Variants in LARP1 observed in about 807,000 individuals in gnomAD.
LARP1 encodes the protein la-related protein 1.
In LARP1, 36 loss-of-function variants were observed where a neutral mutation model predicts 122.7. That is an observed-to-expected ratio of 0.29 (90% CI 0.22 to 0.39). LARP1 has a LOEUF of 0.39. LARP1 is among the 10% of genes least tolerant of loss of function. LARP1 has a pLI of 1.00. For synonymous variants in LARP1, 539 were observed against 528.7 expected, an observed-to-expected ratio of 1.02 and a Z score of -0.27; for missense variants, 1,040 against 1,403.6, an observed-to-expected ratio of 0.74 and a Z score of 4.14.
chr5:154,756,366 A>C, intron 1 of LARP1, 173 bp downstream of exon 1: 1 of 974,000 alleles, frequency 1.0e-6, no homozygotes, highest in Non-Finnish European at 1.2e-6. Context: ...CCCACCGTAC[A>C]CTCAGGGACC....
intron 1 of LARP1, among the ~76,000 whole-genome samples, chr5:154,717,826 G>C (rs1755603173): frequency 6.6e-6 from 1 of 152,126 alleles, no homozygotes; most frequent in African/African-American, 2.4e-5. Context: ...CTACATGAGA[G>C]AAAATGTGTA....
At position 154,800,035 on chromosome 5, in the gene LARP1, G is replaced by A. The variant is rs556724523; in HGVS notation, c.1709G>A (p.Arg570Gln). The change falls in exon 10 of 19, where the codon CGG becomes CAG. Residue 570 changes from arginine to glutamine, a missense_variant. Arg to Gln is a conservative substitution (Grantham distance 43). This residue lies in a region of LARP1 where 362 missense variants were observed against 533.1 expected (regional missense o/e 0.68). Transcript: ENST00000518297. ...VKKRPRPSPA[R>Q]PKKSEESRFS... ...AAGAGGCCTCGGCCATCCCCAGCAC[G>A]GCCCAAGGTGGGTGAGGCCTTGTCC... 26 of 1,613,284 alleles carry A rather than the reference G, an allele frequency of 1.6e-5. No individual in the cohort carries two copies. The highest frequency in any genetic ancestry group is 4.5e-5 in the East Asian group (2 of 44,880).
chr5:154,742,905 T>C (rs1301745800), intron 1 of LARP1, among the ~76,000 whole-genome samples: 2 of 152,134 alleles, frequency 1.3e-5, no homozygotes, highest in Non-Finnish European at 2.9e-5. Context: ...GCAGCCCTTT[T>C]CCTACATCTC....
In LARP1 at chr5:154,790,329, C is replaced by T. The variant is rs566672013; in HGVS notation, c.441C>T (p.His147=). ...TTVNGQSPPE[H]SAPAKVVRAA... is the part of the protein sequence containing the mutation. ...TCTCCCTTCTTGTTCCCACAGAACA[C>T]TCTGCTCCAGCCAAGGTGGTGAGGG... Residue 147 remains histidine (H), a synonymous_variant, in exon 2 of 19, where the codon CAC becomes CAT. Coordinates refer to ENST00000518297, the MANE Select transcript of LARP1 (RefSeq NM_033551.3). The T allele has an allele frequency of 2.6e-5, 42 of 1,613,484 alleles. No individual in the cohort carries two copies. In the South Asian group the frequency reaches 4.2e-4, roughly 16 times the overall value.
rs766842639 is a variant in LARP1, at chr5:154,799,608, G to C, written c.1395G>C (p.Lys465Asn). 1.2e-6 allele frequency: 2 copies of C among 1,614,176 alleles called. No individual in the cohort carries two copies. The highest frequency in any genetic ancestry group is 2.2e-5 in the South Asian group (2 of 91,078). The change falls in exon 9 of 19, where the codon AAG becomes AAC. Residue 465 changes from lysine to asparagine, a missense_variant. Physicochemically the swap from Lys to Asn is moderately conservative, Grantham distance 94. Coordinates refer to ENST00000518297, the MANE Select transcript of LARP1 (RefSeq NM_033551.3). ...CCCTTCAGGCCCTAAAGGACAGCAA[G>C]GTGGTGGAGATCGTTGATGAGAAAG... ...SLIFAALKDS[K>N]VVEIVDEKVR...
chr5:154,801,799 T>C (rs145752156), intron 10 of LARP1, among the ~76,000 whole-genome samples: 1,712 of 152,288 alleles, frequency 0.011, 28 homozygotes, highest in African/African-American at 0.037. Context: ...GAGCTGTGAG[T>C]GGAGGAACCT....
chr5:154,691,769 T>A (rs1358128286), intron 1 of LARP1, among the ~76,000 whole-genome samples: 7 of 151,260 alleles, frequency 4.6e-5, no homozygotes, highest in Non-Finnish European at 1.0e-4. Flanking sequence ...GGGTGAGCGT[T>A]GTCAGGCACA....
intron 15 of LARP1, among the ~76,000 whole-genome samples, chr5:154,806,459 T>C (rs538895394): frequency 6.6e-6 from 1 of 152,272 alleles, no homozygotes; most frequent in South Asian, 2.1e-4. Flanking sequence ...GCTTTGGAGC[T>C]AAGGACAGTT....
intron 1 of LARP1, among the ~76,000 whole-genome samples, chr5:154,756,881 G>A (rs1753974842): frequency 6.6e-6 from 1 of 151,964 alleles, no homozygotes; most frequent in Admixed American, 6.5e-5. Flanking sequence ...CGAGTGTGCT[G>A]GGGGAGCCAG....
intron 1 of LARP1, among the ~76,000 whole-genome samples, chr5:154,780,568 A>G (rs913601311): frequency 2.6e-5 from 4 of 152,326 alleles, no homozygotes; most frequent in East Asian, 1.9e-4. Context: ...TGCCAGCTCT[A>G]CAGCAAATCA....
intron 1 of LARP1, among the ~76,000 whole-genome samples, chr5:154,695,051 C>G (rs755636645): frequency 1.3e-5 from 2 of 151,938 alleles, no homozygotes; most frequent in Admixed American, 6.6e-5. Context: ...CACGGTGGCT[C>G]ACGCCTGTAA....
intron 1 of LARP1, among the ~76,000 whole-genome samples, chr5:154,719,203 T>C (rs889728814): frequency 2.0e-5 from 3 of 152,158 alleles, no homozygotes; most frequent in Non-Finnish European, 4.4e-5. Context: ...TCAGAGTCCC[T>C]TTACTCCTGT....
chr5:154,704,856 G>A (rs370870490), intron 1 of LARP1, among the ~76,000 whole-genome samples: 5 of 152,140 alleles, frequency 3.3e-5, no homozygotes, highest in East Asian at 1.9e-4. Flanking sequence ...AGTGGCTCAC[G>A]CCTGTAATTC....
At chr5:154,766,425 G>C (rs1267559873) in intron 1 of LARP1, among the ~76,000 whole-genome samples, 2 of 152,214 alleles carry the variant, frequency 1.3e-5, no homozygotes, top group East Asian at 3.8e-4. Context: ...TGTGGATCTT[G>C]GGCAATTATT....
chr5:154,813,920 C>CCT lies in LARP1; in HGVS notation c.3115_3116insCT (p.His1039ProfsTer5). 6.2e-7 allele frequency: 1 copy of CCT among 1,614,086 alleles called. No homozygotes were observed. The highest frequency in any genetic ancestry group is 8.5e-7 in the Non-Finnish European group (1 of 1,179,990). On this transcript the variant is annotated frameshift_variant, in exon 19 of 19. Transcript: ENST00000518297. LOFTEE classifies it high-confidence loss of function. Reference sequence around the variant, plus strand: ...GGGTGAGGAGGGCAACCACAAGCGACACTCAGTGGTAGCAGGAGGTGGCGG... The same window carrying CCT: ...GGGTGAGGAGGGCAACCACAAGCGACCTACTCAGTGGTAGCAGGAGGTGGCGG...
chr5:154,781,785 T>A (rs1204074589), intron 1 of LARP1, among the ~76,000 whole-genome samples: 3 of 152,182 alleles, frequency 2.0e-5, no homozygotes, highest in Non-Finnish European at 4.4e-5. Flanking sequence ...CAGCTATCAT[T>A]AGTGTTAGTG....
At chr5:154,780,577 CA>C (rs1220990560) in intron 1 of LARP1, among the ~76,000 whole-genome samples, 1 of 152,186 alleles carries the variant, frequency 6.6e-6, no homozygotes, top group Admixed American at 6.5e-5. Flanking sequence ...TACAGCAAAT[CA>C]CTGGTGACTT....
At chr5:154,759,711 G>GT (rs1301266890) in intron 1 of LARP1, among the ~76,000 whole-genome samples, 1 of 152,030 alleles carries the variant, frequency 6.6e-6, no homozygotes, top group Non-Finnish European at 1.5e-5. Flanking sequence ...ATGATTTTTT[G>GT]ACTTTATGTT....
At chr5:154,746,672 G>GTT in intron 1 of LARP1, among the ~76,000 whole-genome samples, 1 of 152,170 alleles carries the variant, frequency 6.6e-6, no homozygotes, top group South Asian at 2.1e-4. Context: ...CTCCATGAAA[G>GTT]CCCTTTGGAA....
Sources: gnomAD v4.1 joint callset for allele counts (sites outside exome capture counted in the v4.1 genomes callset) on GRCh38, gnomAD v4.1.1 for gene constraint, gnomAD v4.1.1 regional missense constraint, MANE v1.5 for transcripts, NCBI Gene and HGNC (gene_info 2026-07-23, HGNC 2026-07-21) for gene names.